The following SF3A3 variants were observed in gnomAD, a reference collection of about 807,000 sequenced individuals.
SF3A3 encodes the protein splicing factor 3a subunit 3.
SF3A3 carries 9 observed loss-of-function variants against 85.8 expected under a neutral mutation model. That is an observed-to-expected ratio of 0.10 (90% CI 0.06 to 0.18). The LOEUF (loss-of-function observed/expected upper bound fraction) is 0.18, where lower values mean the gene tolerates loss of function less well. Ranked by LOEUF, SF3A3 falls within the 10% of genes least tolerant of loss-of-function variation. The pLI is 1.00. For synonymous variants in SF3A3, 195 were observed against 204.4 expected, an observed-to-expected ratio of 0.95 and a Z score of 0.39; for missense variants, 306 against 593.3, an observed-to-expected ratio of 0.52 and a Z score of 5.03.
chr1:37,982,895 G>A (rs1646429500), intron 6 of SF3A3, among the ~76,000 whole-genome samples: 1 of 151,782 alleles, frequency 6.6e-6, no homozygotes, highest in African/African-American at 2.4e-5. Flanking sequence ...AGGAGTCCAA[G>A]ACTAGCCTGG....
chr1:37,967,175 G>T (rs559949646), intron 15 of SF3A3, among the ~76,000 whole-genome samples: 1 of 116,596 alleles, frequency 8.6e-6, no homozygotes, highest in African/African-American at 3.3e-5. Context: ...AGAATTGCTT[G>T]AGCCCAGGAG....
At position 37,989,531 on chromosome 1, in the gene SF3A3, G is replaced by T; in HGVS notation, c.144+17C>A. The T allele has an allele frequency of 1.2e-6, 2 of 1,612,130 alleles. No individual in the cohort carries two copies. Among genetic ancestry groups the T allele is most frequent in the Non-Finnish European group, 1.7e-6 (2 of 1,179,406 alleles). On this transcript the variant is annotated intron_variant, in intron 2 of 16. Transcript: ENST00000373019. ...GCCCTCGCCAACCCAAAGAGAGGCA[G>T]ACAGCTGGGCACTCACATCTTGCAT... is the stretch of plus-strand genomic sequence containing the variant.
chr1:37,960,845 G>C (rs1301472472), intron 15 of SF3A3, among the ~76,000 whole-genome samples: 1 of 151,966 alleles, frequency 6.6e-6, no homozygotes, highest in Non-Finnish European at 1.5e-5. Context: ...AGTAGAGATG[G>C]GGTTTCACCG....
chr1:37,972,727 C>T (rs1646352398), intron 12 of SF3A3, among the ~76,000 whole-genome samples: 1 of 152,208 alleles, frequency 6.6e-6, no homozygotes, highest in Non-Finnish European at 1.5e-5. Context: ...GACACATCTA[C>T]AACCATCTGA....
At position 37,958,126 on chromosome 1, in the gene SF3A3, G is replaced by T; in HGVS notation, c.*60C>A. 1.8e-6 allele frequency: 2 copies of T among 1,118,156 alleles called. No individual in the cohort carries two copies. The highest frequency in any genetic ancestry group is 1.2e-5 in the South Asian group (1 of 80,982). The allele number at this position is 1,118,156 out of a possible 1,614,324, so 69.3% of individuals were successfully genotyped here. A position where few individuals can be genotyped will look rare whatever the true frequency, so the allele number is the denominator to read the frequency against. Reference sequence around the variant, plus strand: ...TAAGAGGATTTGGTTGGGAGAAATAGAAAAAGCAGATCTTAGGGAAGCCTG... The same window carrying T: ...TAAGAGGATTTGGTTGGGAGAAATATAAAAAGCAGATCTTAGGGAAGCCTG... On this transcript the variant is annotated 3_prime_UTR_variant, in exon 17 of 17. Transcript: ENST00000373019.
At chr1:37,970,230 A>T (rs558826480) in intron 12 of SF3A3, among the ~76,000 whole-genome samples, 1 of 151,208 alleles carries the variant, frequency 6.6e-6, no homozygotes, top group South Asian at 2.1e-4. Flanking sequence ...GCTTGAGCCC[A>T]GGAGTTTGAG....
At chr1:37,961,780 A>G (rs796811270) in intron 15 of SF3A3, among the ~76,000 whole-genome samples, 9 of 141,852 alleles carry the variant, frequency 6.3e-5, no homozygotes, top group African/African-American at 2.3e-4. Context: ...AAAAAAAAAA[A>G]AAAGAAAGAA....
At chr1:37,971,881 CA>C (rs1160848826) in intron 12 of SF3A3, among the ~76,000 whole-genome samples, 1 of 152,150 alleles carries the variant, frequency 6.6e-6, no homozygotes, top group African/African-American at 2.4e-5. Context: ...CCATTTATGA[CA>C]AACCCACAGC....
rs112499043 is a variant in SF3A3 at position 37,974,732 on chromosome 1, T to C, written c.1005+2152A>G. Among the ~76,000 whole-genome samples, 1,088 of 152,352 alleles carry C rather than the reference T, an allele frequency of 7.1e-3. 8 individuals are homozygous for C. The highest frequency in any genetic ancestry group is 9.7e-3 in the Non-Finnish European group (661 of 68,036). ...GCTATCCTACTTAAGAGAACTTTTA[T>C]TGGCTTCCTACTGCTTATAAGGCAA... is the stretch of plus-strand genomic sequence containing the variant. On this transcript the variant is annotated intron_variant, in intron 12 of 16. Coordinates refer to ENST00000373019, the MANE Select transcript of SF3A3 (RefSeq NM_006802.4).
chr1:37,958,047 C>A lies in SF3A3; in HGVS notation c.*139G>T, dbSNP rs1470230233. 1.6e-6 allele frequency: 1 copy of A among 643,414 alleles called. No homozygotes were observed. The allele number at this position is 643,414 out of a possible 1,614,324, so 39.9% of individuals were successfully genotyped here. On this transcript the variant is annotated 3_prime_UTR_variant, in exon 17 of 17. Coordinates refer to ENST00000373019, the MANE Select transcript of SF3A3 (RefSeq NM_006802.4). ...CTCAACCCTGCAATCTGCCAGCATG[C>A]CTTGTTTCTACAAGATGCATGCTAG...
chr1:37,972,156 A>T (rs535654412), intron 12 of SF3A3, among the ~76,000 whole-genome samples: 1 of 152,260 alleles, frequency 6.6e-6, no homozygotes, highest in Non-Finnish European at 1.5e-5. Context: ...AACTTCAGCA[A>T]AGTCTCAGGA....
intron 4 of SF3A3, 147 bp from the exon 5 acceptor site, chr1:37,984,926 G>C (rs993517162): frequency 3.2e-6 from 2 of 632,654 alleles, no homozygotes; most frequent in Non-Finnish European, 5.7e-6. Context: ...TCCTGCCTCG[G>C]CCACCCGAGT....
chr1:37,960,334 A>G (rs1646248498), intron 15 of SF3A3, 159 bp from the exon 16 acceptor site: 1 of 600,560 alleles, frequency 1.7e-6, no homozygotes, highest in African/African-American at 1.8e-5. Flanking sequence ...TGGACCACCT[A>G]TAGACAAAAC....
Position 37,964,337 on chromosome 1 carries a change from C to T in SF3A3, c.1372+3707G>A, listed in dbSNP as rs555665610. 3.2e-4 allele frequency among the ~76,000 whole-genome samples: 49 copies of T among 151,608 alleles called. No individual in the cohort carries two copies. The South Asian group carries it at 0.01, about 32-fold the overall frequency. On this transcript the variant is annotated intron_variant, in intron 15 of 16. Transcript: ENST00000373019. ...GGAAAGAGGAAAGACTGTTTTAAGA[C>T]ACACGTGTTGTAATCCCAGCACTTT...
intron 5 of SF3A3, among the ~76,000 whole-genome samples, chr1:37,984,469 T>C (rs770081871): frequency 2.0e-5 from 3 of 152,240 alleles, no homozygotes; most frequent in East Asian, 1.9e-4. Flanking sequence ...CATTTTAGTA[T>C]TGTGAACTAA....
intron 14 of SF3A3, among the ~76,000 whole-genome samples, 170 bp downstream of exon 14, chr1:37,969,184 T>C (rs1030948510): frequency 1.3e-5 from 2 of 152,180 alleles, no homozygotes; most frequent in African/African-American, 2.4e-5. Context: ...TATTTAAGAC[T>C]AACATTGGTG....
chr1:37,968,993 C>T (rs1646320780), intron 14 of SF3A3, among the ~76,000 whole-genome samples: 1 of 152,178 alleles, frequency 6.6e-6, no homozygotes, highest in South Asian at 2.1e-4. Context: ...TGAAAGAGAT[C>T]AGTCAGCCCT....
At chr1:37,976,617 C>A (rs1371713669) in intron 12 of SF3A3, among the ~76,000 whole-genome samples, 1 of 152,118 alleles carries the variant, frequency 6.6e-6, no homozygotes, top group East Asian at 1.9e-4. Context: ...GGCACAGAAT[C>A]TGCACTATTC....
chr1:37,963,001 TC>T (rs779413345), intron 15 of SF3A3, among the ~76,000 whole-genome samples: 1 of 151,280 alleles, frequency 6.6e-6, no homozygotes, highest in Non-Finnish European at 1.5e-5. Flanking sequence ...GACAGGAGAA[TC>T]GCTTGAACAC....
Sources: allele counts gnomAD v4.1 joint callset (sites outside exome capture counted in the v4.1 genomes callset), GRCh38; gene constraint gnomAD v4.1.1; transcripts MANE v1.5; gene names NCBI Gene and HGNC (gene_info 2026-07-23, HGNC 2026-07-21).